ZNF415: variants seen among roughly 807,000 people sequenced by gnomAD.
ZNF415 encodes zinc finger protein 415.
ZNF415 carries 5 observed loss-of-function variants against 7.3 expected under a neutral mutation model. That is an observed-to-expected ratio of 0.69 (90% confidence interval 0.36 to 1.44). The LOEUF (loss-of-function observed/expected upper bound fraction) is 1.44. ZNF415 is among the 40% of genes most tolerant of loss of function. The probability of loss-of-function intolerance (pLI) is 0.04; values close to 1 mark genes in which losing one functional copy is unlikely to be tolerated. For missense variants in ZNF415, 628 were observed against 664.8 expected (o/e 0.94, Z 0.61); for synonymous variants, 207 against 226.3 (o/e 0.91, Z 0.77).
At chr19:53,124,853 A>G (rs1006719025) in intron 1 of ZNF415, among the ~76,000 whole-genome samples, 1 of 152,164 alleles carries the variant, frequency 6.6e-6, no homozygotes, top group Non-Finnish European at 1.5e-5. Flanking sequence ...GAAAAATAGG[A>G]GAATGGAAGA....
In ZNF415 at chr19:53,129,146, C is replaced by T. The variant is rs142012108; in HGVS notation, c.-68+3710G>A. Among the ~76,000 whole-genome samples, 420 of 152,186 alleles carry T rather than the reference C, an allele frequency of 2.8e-3. 1 individual carries two copies. The highest frequency in any genetic ancestry group is 4.8e-3 in the Non-Finnish European group (327 of 68,002). On this transcript the variant is annotated intron_variant, in intron 1 of 3. Transcript: ENST00000243643. ...GGACATAGGGTAAAAGCAGGGACAA[C>T]GACCCGTGACAGGAAGGGTTTTGAC...
At chr19:53,114,766 T>G (rs2086752422) in intron 3 of ZNF415, among the ~76,000 whole-genome samples, 1 of 151,746 alleles carries the variant, frequency 6.6e-6, no homozygotes, top group Non-Finnish European at 1.5e-5. Flanking sequence ...AAGAACCAAC[T>G]CCCTCCCCTG....
chr19:53,108,743 A>G lies in ZNF415; in HGVS notation c.1302T>C (p.His434=), dbSNP rs2085753191. 1.2e-6 allele frequency: 2 copies of G among 1,614,196 alleles called. No individual in the cohort carries two copies. Among genetic ancestry groups the G allele is most frequent in the Admixed American group, 3.3e-5 (2 of 60,016 alleles). Residue 434 remains histidine (H), a synonymous_variant, in exon 4 of 4, where the codon CAT becomes CAC. Transcript: ENST00000243643. ...NSHLASHRRV[H]TGEKPYKCNE... ...TACACTTGTAAGGTTTCTCTCCAGT[A>G]TGAACTCTCCGATGACTCGCAAGGT...
At chr19:53,124,101 A>G (rs989287127) in intron 1 of ZNF415, 3 of 152,196 alleles carry the variant, frequency 2.0e-5, no homozygotes, top group Non-Finnish European at 4.4e-5. Context: ...TTAGCCGGGC[A>G]TGGTGGTAGG....
chr19:53,113,986 G>A (rs771833049), intron 3 of ZNF415, among the ~76,000 whole-genome samples: 23 of 152,176 alleles, frequency 1.5e-4, no homozygotes, highest in East Asian at 3.9e-4. Flanking sequence ...TCTGCTGAAC[G>A]CTTTAAGGGG....
chr19:53,114,293 C>T (rs1224807960), intron 3 of ZNF415, among the ~76,000 whole-genome samples: 4 of 152,134 alleles, frequency 2.6e-5, no homozygotes, highest in African/African-American at 9.7e-5. Flanking sequence ...TCTCCTGCCT[C>T]GGCCTCCTGA....
At chr19:53,119,083 A>G (rs2087521370) in intron 2 of ZNF415, among the ~76,000 whole-genome samples, 1 of 152,138 alleles carries the variant, frequency 6.6e-6, no homozygotes, top group South Asian at 2.1e-4. Flanking sequence ...GATCAAGACC[A>G]TCCTGGCTAA....
intron 2 of ZNF415, among the ~76,000 whole-genome samples, chr19:53,119,026 G>A (rs767974579): frequency 1.5e-4 from 23 of 151,080 alleles, no homozygotes; most frequent in East Asian, 3.9e-4. Flanking sequence ...CACGCCTGTA[G>A]TCCTAGCACT....
intron 1 of ZNF415, among the ~76,000 whole-genome samples, chr19:53,126,679 G>GT (rs1378191224): frequency 1.6e-5 from 2 of 128,942 alleles, no homozygotes; most frequent in African/African-American, 2.6e-5. Flanking sequence ...AGGGAGAAGC[G>GT]TGTGCATAGG....
chr19:53,108,756 T>C lies in ZNF415; in HGVS notation c.1289A>G (p.His430Arg). ...TTTCTCTCCAGTATGAACTCTCCGA[T>C]GACTCGCAAGGTGTGAATTGTAACT... ...VFSYNSHLAS[H>R]RRVHTGEKPY... Residue 430 changes from histidine to arginine, a missense_variant, in exon 4 of 4, where the codon CAT (histidine) becomes CGT (arginine). Transcript: ENST00000243643. 1.2e-6 allele frequency: 2 copies of C among 1,614,220 alleles called. No homozygotes were observed. Among genetic ancestry groups the C allele is most frequent in the East Asian group, 4.5e-5 (2 of 44,888 alleles).
At chr19:53,131,274 C>T (rs2090044478) in intron 1 of ZNF415, among the ~76,000 whole-genome samples, 1 of 151,876 alleles carries the variant, frequency 6.6e-6, no homozygotes, top group South Asian at 2.1e-4. Flanking sequence ...TCCCCCTGCC[C>T]CAACGCCAGG....
At chr19:53,131,907 C>T (rs949804122) in intron 1 of ZNF415, among the ~76,000 whole-genome samples, 9 of 152,072 alleles carry the variant, frequency 5.9e-5, no homozygotes, top group Non-Finnish European at 1.2e-4. Context: ...TCTGCTTCTC[C>T]TTGTCATCGG....
rs59835974 is a variant in ZNF415 at position 53,131,063 on chromosome 19, C to CTT, written c.-68+1791_-68+1792dup. Among the ~76,000 whole-genome samples the CTT allele has an allele frequency of 7.0e-4, 36 of 51,604 alleles. 1 individual carries two copies. Among genetic ancestry groups the CTT allele is most frequent in the African/African-American group, 2.6e-3 (33 of 12,512 alleles). 33.9% of individuals were successfully genotyped at this position (51,604 alleles called of 152,430 possible). On this transcript the variant is annotated intron_variant, in intron 1 of 3. Coordinates refer to ENST00000243643, the MANE Select transcript of ZNF415 (RefSeq NM_018355.4). The stretch of plus-strand genomic sequence containing the variant: ...AAAACATTTTGAGATTTTCTTGCAA[C>CTT]TTTTTTTTTTTTTTTTTTTTTTTTT...
At chr19:53,115,731 AC>A (rs1208172421) in intron 3 of ZNF415, 1 of 1,549,828 alleles carries the variant, frequency 6.5e-7, no homozygotes, top group Non-Finnish European at 8.7e-7. Context: ...ATCCATTCCC[AC>A]CCTTTTGGTT....
Position 53,116,438 on chromosome 19 carries a change from C to G in ZNF415, c.16-5G>C. The G allele has an allele frequency of 6.2e-7, 1 of 1,614,010 alleles. No homozygotes were observed. Among genetic ancestry groups the G allele is most frequent in the Non-Finnish European group, 8.5e-7 (1 of 1,179,998 alleles). On this transcript the variant is annotated splice_polypyrimidine_tract_variant and splice_region_variant and intron_variant, in intron 2 of 3. Coordinates refer to ENST00000243643, the MANE Select transcript of ZNF415 (RefSeq NM_018355.4). Reference sequence around the variant, plus strand: ...GGCCACGTCCCTGAATGTCAACTGTCCGTAAAATAATAAACACATTTCACC... The same window carrying G: ...GGCCACGTCCCTGAATGTCAACTGTGCGTAAAATAATAAACACATTTCACC...
intron 1 of ZNF415, 120 bp from the exon 2 acceptor site, chr19:53,122,863 A>T: frequency 1.4e-6 from 1 of 694,488 alleles, no homozygotes; most frequent in Non-Finnish European, 2.4e-6. Context: ...TCTGCCGCCC[A>T]CTACACCAGG....
chr19:53,127,434 C>T (rs1379433625), intron 1 of ZNF415, among the ~76,000 whole-genome samples: 1 of 152,198 alleles, frequency 6.6e-6, no homozygotes, highest in African/African-American at 2.4e-5. Context: ...TTTATTTCCA[C>T]TCATAGTGAC....
intron 2 of ZNF415, among the ~76,000 whole-genome samples, chr19:53,117,856 A>T (rs1287587365): frequency 6.6e-6 from 1 of 152,216 alleles, no homozygotes; most frequent in Non-Finnish European, 1.5e-5. Flanking sequence ...TGTTACTATT[A>T]TAGAAAACCA....
intron 1 of ZNF415, among the ~76,000 whole-genome samples, chr19:53,130,199 T>C (rs1480623445): frequency 6.6e-6 from 1 of 152,170 alleles, no homozygotes; most frequent in Non-Finnish European, 1.5e-5. Context: ...TTTAACAAAT[T>C]ACACAAAAGA....
Sources: gnomAD v4.1 joint callset for allele counts (sites outside exome capture counted in the v4.1 genomes callset) on GRCh38, gnomAD v4.1.1 for gene constraint, MANE v1.5 for transcripts, NCBI Gene and HGNC (gene_info 2026-07-23, HGNC 2026-07-21) for gene names.